The following PCDHA9 variants were observed in gnomAD, a reference collection of about 807,000 sequenced individuals.
PCDHA9 encodes the protein protocadherin alpha-9.
A neutral mutation model predicts 62.0 loss-of-function variants in PCDHA9; 62 were observed. That is an observed-to-expected ratio of 1.00 (90% CI 0.81 to 1.23). The LOEUF is 1.23. PCDHA9 is among the 50% of genes most tolerant of loss of function. PCDHA9 has a pLI of 0.00. For missense variants in PCDHA9, 1,205 were observed against 1,249.8 expected, an observed-to-expected ratio of 0.96 and a Z score of 0.54; for synonymous variants, 557 against 567.6, an observed-to-expected ratio of 0.98 and a Z score of 0.27.
intron 1 of PCDHA9, among the ~76,000 whole-genome samples, chr5:140,880,929 A>T (rs2058535682): frequency 6.6e-6 from 1 of 152,232 alleles, no homozygotes; most frequent in African/African-American, 2.4e-5. Flanking sequence ...TATGTTAGTA[A>T]AAGTAATGGA....
At chr5:140,904,164 T>A (rs1475689291) in intron 1 of PCDHA9, among the ~76,000 whole-genome samples, 2 of 152,078 alleles carry the variant, frequency 1.3e-5, no homozygotes, top group South Asian at 4.1e-4. Flanking sequence ...CAGTTTGTAG[T>A]CTTTTATTCC....
In PCDHA9 at chr5:140,850,678, C is replaced by T; in HGVS notation, c.2183C>T (p.Thr728Ile). The T allele has an allele frequency of 6.3e-7, 1 of 1,598,606 alleles. No individual in the cohort carries two copies. The highest frequency in any genetic ancestry group is 8.6e-7 in the Non-Finnish European group (1 of 1,167,906). Residue 728 changes from threonine to isoleucine, a missense_variant, in exon 1 of 4, where the codon ACC becomes ATC. Coordinates refer to ENST00000532602, the MANE Select transcript of PCDHA9 (RefSeq NM_031857.2). ...GTGCTGCGGTGCTCGGCGATGCCCA[C>T]CGAGGGCGAGTGCGCGCCTGGCAAG... ...YTVLRCSAMP[T>I]EGECAPGKPT...
intron 1 of PCDHA9, among the ~76,000 whole-genome samples, chr5:140,918,659 G>A (rs1584109247): frequency 6.6e-6 from 1 of 152,172 alleles, no homozygotes; most frequent in Non-Finnish European, 1.5e-5. Context: ...TTCTCATGTT[G>A]ATGGTATGAA....
In PCDHA9 at chr5:140,871,238, T is replaced by C. The variant is rs200192228; in HGVS notation, c.2394+20349T>C. 68 of 1,613,968 alleles carry C rather than the reference T, an allele frequency of 4.2e-5. No homozygotes were observed. The Admixed American group carries it at 6.2e-4, about 15-fold the overall frequency. ...TGCGTGGTGTCCAGCCTCCTGGTACTCACGCTGCTGCTGTATACGGCGCTG... is the reference window on the plus strand; with the variant it reads ...TGCGTGGTGTCCAGCCTCCTGGTACCCACGCTGCTGCTGTATACGGCGCTG... On this transcript the variant is annotated intron_variant, in intron 1 of 3. Transcript: ENST00000532602.
chr5:140,862,358 ACG>A (rs1554156250), intron 1 of PCDHA9: 1 of 337,982 alleles, frequency 3.0e-6, no homozygotes, highest in Non-Finnish European at 5.8e-6. Context: ...CAAGGGACAG[ACG>A]ACCCGCACCC....
intron 1 of PCDHA9, chr5:140,865,257 T>G (rs1250591902): frequency 6.6e-6 from 1 of 152,240 alleles, no homozygotes; most frequent in Non-Finnish European, 1.5e-5. Flanking sequence ...TGTAAGGATG[T>G]GTATCAAATT....
chr5:140,979,292 C>T (rs1449910823), intron 2 of PCDHA9, among the ~76,000 whole-genome samples: 1 of 151,814 alleles, frequency 6.6e-6, no homozygotes, highest in African/African-American at 2.4e-5. Flanking sequence ...GTAATTTCAA[C>T]CTCCTTCATC....
At chr5:140,947,811 A>G (rs1554218329) in intron 1 of PCDHA9, among the ~76,000 whole-genome samples, 1 of 151,582 alleles carries the variant, frequency 6.6e-6, no homozygotes, top group Admixed American at 6.6e-5. Flanking sequence ...TGCAGAGACT[A>G]TTTCTTCCTT....
intron 1 of PCDHA9, chr5:140,871,489 G>T: frequency 1.3e-6 from 2 of 1,590,138 alleles, no homozygotes; most frequent in Non-Finnish European, 1.7e-6. Flanking sequence ...AAATCACCCC[G>T]GACAGGTGAG....
At chr5:140,967,884 C>T (rs2096194386) in intron 1 of PCDHA9, 2 of 1,614,050 alleles carry the variant, frequency 1.2e-6, no homozygotes, top group African/African-American at 1.3e-5. Context: ...CTGTATAGCC[C>T]AGTGCCTGAG....
intron 1 of PCDHA9, among the ~76,000 whole-genome samples, chr5:140,900,786 A>C (rs888308882): frequency 2.0e-5 from 3 of 152,152 alleles, no homozygotes; most frequent in African/African-American, 7.2e-5. Flanking sequence ...GAAACTCCAA[A>C]CTGTTCTCCA....
intron 1 of PCDHA9, among the ~76,000 whole-genome samples, chr5:140,937,632 G>T (rs1228752133): frequency 1.3e-5 from 2 of 150,132 alleles, no homozygotes; most frequent in Admixed American, 1.3e-4. Flanking sequence ...AAAAAGAAAG[G>T]CAGGGCATGG....
At chr5:140,999,078 T>G (rs1554256609) in intron 3 of PCDHA9, among the ~76,000 whole-genome samples, 2 of 152,208 alleles carry the variant, frequency 1.3e-5, no homozygotes, top group Non-Finnish European at 2.9e-5. Context: ...CTTCACTTCC[T>G]CCTTCAGAGG....
At position 140,924,761 on chromosome 5, in the gene PCDHA9, G is replaced by T. The variant is rs979984304; in HGVS notation, c.2395-54188G>T. On this transcript the variant is annotated intron_variant, in intron 1 of 3. Coordinates refer to ENST00000532602, the MANE Select transcript of PCDHA9 (RefSeq NM_031857.2). Reference sequence around the variant, plus strand: ...AATACAAAAATTAACCGAGCATGGTGGTGCGCGCTTGTAGTCCTAGCTACT... The same window carrying T: ...AATACAAAAATTAACCGAGCATGGTTGTGCGCGCTTGTAGTCCTAGCTACT... Among the ~76,000 whole-genome samples the T allele has an allele frequency of 5.3e-5, 8 of 151,864 alleles. No individual in the cohort carries two copies. The East Asian group carries it at 1.5e-3, about 29-fold the overall frequency.
chr5:140,989,127 A>G (rs914524582), intron 3 of PCDHA9: 2 of 152,216 alleles, frequency 1.3e-5, no homozygotes, highest in Non-Finnish European at 2.9e-5. Context: ...TAGAAAAATA[A>G]GACACTTTAT....
chr5:140,966,109 C>G (rs373588380), intron 1 of PCDHA9: 47 of 156,394 alleles, frequency 3.0e-4, no homozygotes, highest in African/African-American at 1.1e-3. Context: ...GCCTGGGTGC[C>G]CATACTTAGC....
rs2150441932 is a variant in PCDHA9, at chr5:140,849,595, C to T, written c.1100C>T (p.Thr367Ile). 1 of 1,598,688 alleles carries T rather than the reference C, an allele frequency of 6.3e-7. No homozygotes were observed. Among genetic ancestry groups the T allele is most frequent in the South Asian group, 1.1e-5 (1 of 90,560 alleles). Residue 367 changes from threonine to isoleucine, a missense_variant, in exon 1 of 4, where the codon ACA becomes ATA. This residue lies in a region of PCDHA9 where 887 missense variants were observed against 809.5 expected (regional missense o/e 1.10). Coordinates refer to ENST00000532602, the MANE Select transcript of PCDHA9 (RefSeq NM_031857.2). ...GTAAAAGAGGACGCACAACTGGGGACAGTTATTGCCCTGATTAGTGTGATC... is the reference window on the plus strand; with the variant it reads ...GTAAAAGAGGACGCACAACTGGGGATAGTTATTGCCCTGATTAGTGTGATC... Reference protein sequence around the residue: ...VPVKEDAQLGTVIALISVIDL... With the variant: ...VPVKEDAQLGIVIALISVIDL...
intron 1 of PCDHA9, among the ~76,000 whole-genome samples, chr5:140,897,430 C>A (rs1297820601): frequency 6.7e-6 from 1 of 148,618 alleles, no homozygotes; most frequent in East Asian, 2.0e-4. Flanking sequence ...TGAGTGAGAA[C>A]ATGCAGTGTT....
intron 1 of PCDHA9, among the ~76,000 whole-genome samples, chr5:140,923,613 G>GT (rs2081443569): frequency 6.6e-6 from 1 of 152,146 alleles, no homozygotes; most frequent in South Asian, 2.1e-4. Context: ...TGTTTATCTG[G>GT]TCATCTTATC....
Sources: allele counts gnomAD v4.1 joint callset (sites outside exome capture counted in the v4.1 genomes callset), GRCh38; gene constraint gnomAD v4.1.1; regional missense constraint gnomAD v4.1.1; transcripts MANE v1.5; gene names NCBI Gene and HGNC (gene_info 2026-07-23, HGNC 2026-07-21).